PTPRD: variants seen among roughly 807,000 people sequenced by gnomAD.
The protein encoded by PTPRD is protein tyrosine phosphatase receptor type D, also known as receptor-type tyrosine-protein phosphatase delta.
Under a neutral mutation model 214.5 loss-of-function variants are expected in PTPRD, and 34 were observed. That is an observed-to-expected ratio of 0.16 (90% confidence interval 0.12 to 0.21). The LOEUF (loss-of-function observed/expected upper bound fraction) is 0.21, where lower values mean the gene tolerates loss of function less well. Ranked by LOEUF, PTPRD falls within the 10% of genes least tolerant of loss-of-function variation. The probability of loss-of-function intolerance (pLI) is 1.00; values close to 1 mark genes in which losing one functional copy is unlikely to be tolerated. For synonymous variants in PTPRD, 1,128 were observed against 845.7 expected, an observed-to-expected ratio of 1.33 and a Z score of -5.79; for missense variants, 2,545 against 2,398.7, an observed-to-expected ratio of 1.06 and a Z score of -1.27.
intron 2 of PTPRD, among the ~76,000 whole-genome samples, chr9:10,365,607 C>A (rs921929990): frequency 6.6e-6 from 1 of 152,016 alleles, no homozygotes. Flanking sequence ...TCCAGATTAT[C>A]GACTTCTAGC....
At chr9:10,322,592 C>T (rs1369522163) in intron 3 of PTPRD, among the ~76,000 whole-genome samples, 2 of 152,012 alleles carry the variant, frequency 1.3e-5, no homozygotes, top group African/African-American at 2.4e-5. Context: ...TGCTATTATA[C>T]TTGTCACTTC....
intron 12 of PTPRD, among the ~76,000 whole-genome samples, chr9:8,696,108 G>A (rs969849524): frequency 2.0e-5 from 3 of 152,188 alleles, no homozygotes; most frequent in Non-Finnish European, 2.9e-5. Context: ...CATCTTCAGA[G>A]GCAGCAGACC....
chr9:9,144,352 C>A (rs997499736), intron 10 of PTPRD, among the ~76,000 whole-genome samples: 1 of 152,186 alleles, frequency 6.6e-6, no homozygotes, highest in Admixed American at 6.5e-5. Context: ...AGTCTGCTGA[C>A]ATGTACTAAA....
intron 10 of PTPRD, among the ~76,000 whole-genome samples, chr9:9,103,427 A>T (rs572681400): frequency 3.3e-5 from 5 of 152,286 alleles, no homozygotes; most frequent in South Asian, 2.1e-4. Flanking sequence ...TTCGTAAGTA[A>T]TTATGGAGTA....
chr9:10,328,414 CT>C, intron 3 of PTPRD, among the ~76,000 whole-genome samples: 1 of 151,618 alleles, frequency 6.6e-6, no homozygotes, highest in East Asian at 2.0e-4. Flanking sequence ...GTAAGAGCAG[CT>C]TTTTATGGTT....
chr9:8,615,678 C>T (rs1468967941), intron 14 of PTPRD, among the ~76,000 whole-genome samples: 1 of 151,892 alleles, frequency 6.6e-6, no homozygotes, highest in Non-Finnish European at 1.5e-5. Context: ...AGTGGCTTTT[C>T]CTGTCTTTAT....
At chr9:10,156,078 TTGTG>T (rs71485323) in intron 3 of PTPRD, among the ~76,000 whole-genome samples, 16,689 of 132,392 alleles carry the variant, frequency 0.13, 923 homozygotes, top group South Asian at 0.15. Flanking sequence ...TTTTGAATGT[TTGTG>T]TGTGTGTGTG....
At chr9:9,870,389 TACTATAG>T (rs1264514977) in intron 5 of PTPRD, among the ~76,000 whole-genome samples, 1 of 147,926 alleles carries the variant, frequency 6.8e-6, no homozygotes, top group African/African-American at 2.6e-5. Flanking sequence ...AATCTATATT[TACTATAG>T]ACAACTTTGT....
chr9:9,698,012 C>A (rs1007047505), intron 7 of PTPRD, among the ~76,000 whole-genome samples: 1 of 152,132 alleles, frequency 6.6e-6, no homozygotes, highest in Non-Finnish European at 1.5e-5. Flanking sequence ...AATTATTTCT[C>A]TGTTAAATTT....
At chr9:9,720,399 T>C (rs936353003) in intron 7 of PTPRD, among the ~76,000 whole-genome samples, 4 of 152,168 alleles carry the variant, frequency 2.6e-5, no homozygotes, top group African/African-American at 9.6e-5. Context: ...ATCATTTCCA[T>C]AGCTATATAT....
intron 8 of PTPRD, among the ~76,000 whole-genome samples, chr9:9,421,596 T>G (rs2078827602): frequency 6.6e-6 from 1 of 152,102 alleles, no homozygotes. Context: ...TGCCTCTGGC[T>G]TAGCAATACA....
intron 11 of PTPRD, among the ~76,000 whole-genome samples, chr9:8,739,380 C>T (rs887899956): frequency 6.6e-6 from 1 of 152,194 alleles, no homozygotes. Flanking sequence ...TAACTTTCTT[C>T]AGGATAGAAA....
chr9:8,730,102 G>A (rs138149659), intron 12 of PTPRD, among the ~76,000 whole-genome samples: 1,678 of 152,022 alleles, frequency 0.011, 44 homozygotes, highest in African/African-American at 0.039. Context: ...TAAATATACA[G>A]AAAATTAGCC....
chr9:9,767,612 T>G (rs1193961783), intron 5 of PTPRD, among the ~76,000 whole-genome samples: 1 of 152,054 alleles, frequency 6.6e-6, no homozygotes, highest in Non-Finnish European at 1.5e-5. Context: ...TTATAAGAAT[T>G]TCAATTAAAT....
intron 8 of PTPRD, among the ~76,000 whole-genome samples, chr9:9,403,418 T>TC: frequency 1.4e-5 from 1 of 70,334 alleles, no homozygotes; most frequent in South Asian, 5.2e-4. Context: ...TTTCTCTCTC[T>TC]CTTTCTCTCT....
At chr9:9,339,220 G>A (rs187706655) in intron 9 of PTPRD, among the ~76,000 whole-genome samples, 2 of 152,098 alleles carry the variant, frequency 1.3e-5, no homozygotes, top group African/African-American at 4.8e-5. Flanking sequence ...GCTCATGCCC[G>A]TAATCCCAGC....
chr9:9,663,421 T>C (rs1295039150), intron 7 of PTPRD, among the ~76,000 whole-genome samples: 2 of 151,498 alleles, frequency 1.3e-5, no homozygotes, highest in Non-Finnish European at 3.0e-5. Context: ...TACAGTATCT[T>C]CATAAGATGG....
chr9:10,578,101 G>T (rs1410944656), intron 2 of PTPRD, among the ~76,000 whole-genome samples: 1 of 151,702 alleles, frequency 6.6e-6, no homozygotes, highest in Non-Finnish European at 1.5e-5. Context: ...GGAGAGACGG[G>T]GTTTCACCTT....
intron 11 of PTPRD, among the ~76,000 whole-genome samples, chr9:8,791,854 G>A (rs1187559550): frequency 6.6e-6 from 1 of 152,030 alleles, no homozygotes; most frequent in East Asian, 1.9e-4. Flanking sequence ...ATTTCAAAAT[G>A]ATCAAATCAA....
Sources: allele counts gnomAD v4.1 joint callset (sites outside exome capture counted in the v4.1 genomes callset), GRCh38; gene constraint gnomAD v4.1.1; transcripts MANE v1.5; gene names NCBI Gene and HGNC (gene_info 2026-07-23, HGNC 2026-07-21).